Variants in RRAD observed in about 807,000 individuals in gnomAD.
The protein encoded by RRAD is GTP-binding protein RAD.
A neutral mutation model predicts 24.7 loss-of-function variants in RRAD; 15 were observed. The observed-to-expected ratio is 0.61, with a 90% CI of 0.41 to 0.93. The LOEUF is 0.93. RRAD is among the 40% of genes least tolerant of loss of function. RRAD has a pLI of 0.00. For missense variants in RRAD, 438 were observed against 452.2 expected (o/e 0.97, Z 0.29); for synonymous variants, 180 against 189.8 (o/e 0.95, Z 0.43).
In RRAD at chr16:66,924,961, G is replaced by C. The variant is rs1435077356; in HGVS notation, c.219C>G (p.Pro73=). ...TGTQGPRLDW[P]EDSEDSLSSG... ...AGCTGAGCGAGTCCTCGGAGTCCTC[G>C]GGCCAGTCCAGCCTGGGACCCTGGG... is the stretch of plus-strand genomic sequence containing the variant. Residue 73 remains proline (P), a synonymous_variant, in exon 2 of 5, where the codon CCC becomes CCG. Transcript: ENST00000299759. The surrounding 1 kb of genome is among the most constrained non-coding windows in gnomAD (Gnocchi z 4.2). 1 of 1,527,196 alleles carries C rather than the reference G, an allele frequency of 6.5e-7. No individual in the cohort carries two copies. Among genetic ancestry groups the C allele is most frequent in the Non-Finnish European group, 8.8e-7 (1 of 1,141,406 alleles). The allele number at this position is 1,527,196 out of a possible 1,614,324, so 94.6% of individuals were successfully genotyped here.
rs1962984753 is a variant in RRAD at position 66,925,350 on chromosome 16, C to T, written c.-16+59G>A. The T allele has an allele frequency of 5.2e-6, 3 of 574,952 alleles. No homozygotes were observed. The highest frequency in any genetic ancestry group is 5.0e-6 in the Non-Finnish European group (2 of 397,024). The allele number at this position is 574,952 out of a possible 1,614,324, so 35.6% of individuals were successfully genotyped here. A position where few individuals can be genotyped will look rare whatever the true frequency, so the allele number is the denominator to read the frequency against. ...GTCGCGGCGCCCTCACCCGGGACCC[C>T]TCCGGACCTGGCGCATCCATCTGCA... On this transcript the variant is annotated intron_variant, in intron 1 of 4. Transcript: ENST00000299759. The surrounding 1 kb of genome is among the most constrained non-coding windows in gnomAD (Gnocchi z 5.2).
chr16:66,923,987 C>T lies in RRAD; in HGVS notation c.371-68G>A, dbSNP rs1046090619. 3.2e-6 allele frequency: 4 copies of T among 1,251,200 alleles called. No homozygotes were observed. The South Asian group carries it at 3.6e-5, about 11-fold the overall frequency. 77.5% of individuals were successfully genotyped at this position (1,251,200 alleles called of 1,614,324 possible). ...AGCCGCTGCTGCCAGGTTTCCTGTT[C>T]TGGCCACACCCTCCAACTCTTCCCC... On this transcript the variant is annotated intron_variant, in intron 2 of 4. Transcript: ENST00000299759. This position sits in a 1 kb window ranked among gnomAD's most constrained non-coding sequence, Gnocchi z 4.9.
Position 66,922,045 on chromosome 16 carries a change from C to A in RRAD, c.*31G>T. On this transcript the variant is annotated 3_prime_UTR_variant, in exon 5 of 5. Coordinates refer to ENST00000299759, the MANE Select transcript of RRAD (RefSeq NM_004165.3). Reference sequence around the variant, plus strand: ...GGGCCAGCCCACCAACCCTTCCGTTCGTCTCCCACCATAGTGGGAGCGGGT... The same window carrying A: ...GGGCCAGCCCACCAACCCTTCCGTTAGTCTCCCACCATAGTGGGAGCGGGT... 3 of 1,579,054 alleles carry A rather than the reference C, an allele frequency of 1.9e-6. No homozygotes were observed. Among genetic ancestry groups the A allele is most frequent in the South Asian group, 1.1e-5 (1 of 88,282 alleles).
rs1165305444 is a variant in RRAD at position 66,922,013 on chromosome 16, G to C, written c.*63C>G. 8 of 1,503,046 alleles carry C rather than the reference G, an allele frequency of 5.3e-6. No homozygotes were observed. Among genetic ancestry groups the C allele is most frequent in the Non-Finnish European group, 7.3e-6 (8 of 1,103,250 alleles). 93.1% of individuals were successfully genotyped at this position (1,503,046 alleles called of 1,614,324 possible). ...AGCCTGCTCTGAGGCACCCGGGGCAGTTGGCTGGGCCAGCCCACCAACCCT... is the reference window on the plus strand; with the variant it reads ...AGCCTGCTCTGAGGCACCCGGGGCACTTGGCTGGGCCAGCCCACCAACCCT... On this transcript the variant is annotated 3_prime_UTR_variant, in exon 5 of 5. Transcript: ENST00000299759.
chr16:66,923,297 G>A lies in RRAD; in HGVS notation c.649+219C>T, dbSNP rs1175556950. 1.3e-5 allele frequency among the ~76,000 whole-genome samples: 2 copies of A among 152,130 alleles called. No individual in the cohort carries two copies. Among genetic ancestry groups the A allele is most frequent in the African/African-American group, 4.8e-5 (2 of 41,422 alleles). On this transcript the variant is annotated intron_variant, in intron 4 of 4. Coordinates refer to ENST00000299759, the MANE Select transcript of RRAD (RefSeq NM_004165.3). The surrounding 1 kb of genome is among the most constrained non-coding windows in gnomAD (Gnocchi z 4.9). ...GGGCAGGAGAGGAGGGCCCTGCGGT[G>A]CCCAGCTCCCCTATCAGATTTGGTT...
Position 66,924,748 on chromosome 16 carries a change from G to A in RRAD, c.370+62C>T. 1.5e-6 allele frequency: 2 copies of A among 1,305,826 alleles called. No individual in the cohort carries two copies. The highest frequency in any genetic ancestry group is 9.9e-7 in the Non-Finnish European group (1 of 1,010,412). The allele number at this position is 1,305,826 out of a possible 1,614,324, so 80.9% of individuals were successfully genotyped here. On this transcript the variant is annotated intron_variant, in intron 2 of 4. Coordinates refer to ENST00000299759, the MANE Select transcript of RRAD (RefSeq NM_004165.3). The surrounding 1 kb of genome is among the most constrained non-coding windows in gnomAD (Gnocchi z 4.2). ...CACGGTATTTGCGGCTTTGAGTACC[G>A]GTCTCAGCCCCTAGTCCTAGCCCCG...
chr16:66,925,134 C>T lies in RRAD; in HGVS notation c.46G>A (p.Gly16Arg). The T allele has an allele frequency of 8.2e-7, 1 of 1,226,660 alleles. No individual in the cohort carries two copies. Among genetic ancestry groups the T allele is most frequent in the Non-Finnish European group, 1.0e-6 (1 of 985,180 alleles). The allele number at this position is 1,226,660 out of a possible 1,614,324, so 76.0% of individuals were successfully genotyped here. ...GGSGAGGSRG[G>R]GQERERRRGS... ...CGACGGCGCTCGCGCTCCTGGCCCC[C>T]ACCGCGGCTCCCGCCCGCTCCGCTG... is the stretch of plus-strand genomic sequence containing the variant. Residue 16 changes from glycine to arginine, a missense_variant, in exon 2 of 5, where the codon GGG becomes AGG. Coordinates refer to ENST00000299759, the MANE Select transcript of RRAD (RefSeq NM_004165.3). The surrounding 1 kb of genome is among the most constrained non-coding windows in gnomAD (Gnocchi z 5.2).
chr16:66,924,975 T>G lies in RRAD; in HGVS notation c.205A>C (p.Arg69=), dbSNP rs1283758516. ...AAAGTGTQGP[R]LDWPEDSEDS... The stretch of plus-strand genomic sequence containing the variant: ...TCGGAGTCCTCGGGCCAGTCCAGCC[T>G]GGGACCCTGGGTCCCCGTCCCGGCC... The change falls in exon 2 of 5, where the codon AGG becomes CGG. Residue 69 remains arginine, a synonymous_variant. Transcript: ENST00000299759. This position sits in a 1 kb window ranked among gnomAD's most constrained non-coding sequence, Gnocchi z 4.2. 6.8e-7 allele frequency: 1 copy of G among 1,469,488 alleles called. No homozygotes were observed. Among genetic ancestry groups the G allele is most frequent in the African/African-American group, 1.4e-5 (1 of 69,444 alleles). 91.0% of individuals were successfully genotyped at this position (1,469,488 alleles called of 1,614,324 possible). A position where few individuals can be genotyped will look rare whatever the true frequency, so the allele number is the denominator to read the frequency against.
At position 66,922,125 on chromosome 16, in the gene RRAD, A is replaced by G. The variant is rs1962922843; in HGVS notation, c.878T>C (p.Met293Thr). Residue 293 changes from methionine (M) to threonine (T), a missense_variant, in exon 5 of 5, where the codon ATG (methionine) becomes ACG (threonine). Transcript: ENST00000299759. ...GGACTTGGATTTGGCGCGAAAGGCC[A>G]TCTTGCGGCTGTTACGAGCTACGAT... is the stretch of plus-strand genomic sequence containing the variant. ...GRIVARNSRK[M>T]AFRAKSKSCH... 6.2e-7 allele frequency: 1 copy of G among 1,612,642 alleles called. No homozygotes were observed. The highest frequency in any genetic ancestry group is 1.1e-5 in the South Asian group (1 of 91,076).
rs1962967743 is a variant in RRAD at position 66,924,706 on chromosome 16, A to G, written c.370+104T>C. On this transcript the variant is annotated intron_variant, in intron 2 of 4. Coordinates refer to ENST00000299759, the MANE Select transcript of RRAD (RefSeq NM_004165.3). The surrounding 1 kb of genome is among the most constrained non-coding windows in gnomAD (Gnocchi z 4.2). ...TAATAATAATAATAATAATAACAACAACAACAACTATAATTCCACGGTATT... is the reference window on the plus strand; with the variant it reads ...TAATAATAATAATAATAATAACAACGACAACAACTATAATTCCACGGTATT... 1.2e-6 allele frequency: 1 copy of G among 822,832 alleles called. No homozygotes were observed. The highest frequency in any genetic ancestry group is 1.6e-6 in the Non-Finnish European group (1 of 606,472). The allele number at this position is 822,832 out of a possible 1,614,324, so 51.0% of individuals were successfully genotyped here. A position where few individuals can be genotyped will look rare whatever the true frequency, so the allele number is the denominator to read the frequency against.
rs1183244081 is a variant in RRAD, at chr16:66,923,393, G to A, written c.649+123C>T. 15 of 806,956 alleles carry A rather than the reference G, an allele frequency of 1.9e-5. No individual in the cohort carries two copies. Among genetic ancestry groups the A allele is most frequent in the Admixed American group, 5.1e-5 (2 of 38,952 alleles). 50.0% of individuals were successfully genotyped at this position (806,956 alleles called of 1,614,324 possible). Reference sequence around the variant, plus strand: ...CCAGCTCTCTCCCATTTCCCTCCCCGCCAGTTTTCTTTCTGAACATTTTTA... The same window carrying A: ...CCAGCTCTCTCCCATTTCCCTCCCCACCAGTTTTCTTTCTGAACATTTTTA... On this transcript the variant is annotated intron_variant, in intron 4 of 4. Transcript: ENST00000299759. The surrounding 1 kb of genome is among the most constrained non-coding windows in gnomAD (Gnocchi z 4.9).
rs1162999042 is a variant in RRAD, at chr16:66,923,762, C to T, written c.445-42G>A. ...ACACATCTGCCCAACAGTCCTCATG[C>T]CCCCGACACGAGCCTGGCACTCCCA... is the stretch of plus-strand genomic sequence containing the variant. On this transcript the variant is annotated intron_variant, in intron 3 of 4. Transcript: ENST00000299759. The surrounding 1 kb of genome is among the most constrained non-coding windows in gnomAD (Gnocchi z 4.9). 6.2e-6 allele frequency: 10 copies of T among 1,611,304 alleles called. No homozygotes were observed. Among genetic ancestry groups the T allele is most frequent in the Non-Finnish European group, 8.5e-6 (10 of 1,177,610 alleles).
rs1004057965 is a variant in RRAD, at chr16:66,924,114, C to G, written c.371-195G>C. Among the ~76,000 whole-genome samples the G allele has an allele frequency of 6.6e-6, 1 of 152,128 alleles. No individual in the cohort carries two copies. Among genetic ancestry groups the G allele is most frequent in the Non-Finnish European group, 1.5e-5 (1 of 68,024 alleles). The stretch of plus-strand genomic sequence containing the variant: ...CTGGAGGGCATGGTGTGCCTGACCT[C>G]CACCCACATGCCCCCCCTGGGGACC... On this transcript the variant is annotated intron_variant, in intron 2 of 4. Coordinates refer to ENST00000299759, the MANE Select transcript of RRAD (RefSeq NM_004165.3). The surrounding 1 kb of genome is among the most constrained non-coding windows in gnomAD (Gnocchi z 4.2).
Position 66,921,732 on chromosome 16 carries a change from C to G in RRAD, c.*344G>C, listed in dbSNP as rs1962912798. 1 of 251,160 alleles carries G rather than the reference C, an allele frequency of 4.0e-6. No individual in the cohort carries two copies. Among genetic ancestry groups the G allele is most frequent in the Admixed American group, 5.5e-5 (1 of 18,296 alleles). The allele number at this position is 251,160 out of a possible 1,614,324, so 15.6% of individuals were successfully genotyped here. On this transcript the variant is annotated 3_prime_UTR_variant, in exon 5 of 5. Coordinates refer to ENST00000299759, the MANE Select transcript of RRAD (RefSeq NM_004165.3). ...CAAAAATCTGCATGTAAACAAATAG[C>G]TACCGCACTGAAGAGCCTCCCTCCA...
At chr16:66,922,742 GCACAATCTCTGCT>G (rs1315946812) in intron 4 of RRAD, among the ~76,000 whole-genome samples, 1 of 152,120 alleles carries the variant, frequency 6.6e-6, no homozygotes, top group East Asian at 1.9e-4. Context: ...GAGTGCAGTG[GCACAATCTCTGCT>G]CACTGAAAGC....
rs1394879406 is a variant in RRAD at position 66,924,022 on chromosome 16, C to T, written c.371-103G>A. 3.4e-6 allele frequency: 3 copies of T among 892,166 alleles called. No individual in the cohort carries two copies. Among genetic ancestry groups the T allele is most frequent in the South Asian group, 2.6e-5 (2 of 75,538 alleles). The allele number at this position is 892,166 out of a possible 1,614,324, so 55.3% of individuals were successfully genotyped here. On this transcript the variant is annotated intron_variant, in intron 2 of 4. Coordinates refer to ENST00000299759, the MANE Select transcript of RRAD (RefSeq NM_004165.3). The surrounding 1 kb of genome is among the most constrained non-coding windows in gnomAD (Gnocchi z 4.2). Reference sequence around the variant, plus strand: ...CCTCCAACTCTTCCCCAGAGCCCTCCTTACCCTCCACTCCACTTGCAGATG... The same window carrying T: ...CCTCCAACTCTTCCCCAGAGCCCTCTTTACCCTCCACTCCACTTGCAGATG...
Position 66,925,214 on chromosome 16 carries a change from A to C in RRAD, c.-15-20T>G. 1 of 1,241,888 alleles carries C rather than the reference A, an allele frequency of 8.1e-7. No individual in the cohort carries two copies. Among genetic ancestry groups the C allele is most frequent in the Non-Finnish European group, 1.0e-6 (1 of 992,796 alleles). The allele number at this position is 1,241,888 out of a possible 1,614,324, so 76.9% of individuals were successfully genotyped here. A position where few individuals can be genotyped will look rare whatever the true frequency, so the allele number is the denominator to read the frequency against. ...GACCGTCTAGGGGATCAGGAACCCG[A>C]GTGGCCGTGTAAGCCGCGAGGGAGG... On this transcript the variant is annotated intron_variant, in intron 1 of 4. Transcript: ENST00000299759. This position sits in a 1 kb window ranked among gnomAD's most constrained non-coding sequence, Gnocchi z 5.2.
At position 66,922,278 on chromosome 16, in the gene RRAD, G is replaced by C; in HGVS notation, c.725C>G (p.Ala242Gly). ...TSAALHHNVQALFEGVVRQIR... is the reference protein window; with the variant it reads ...TSAALHHNVQGLFEGVVRQIR... The stretch of plus-strand genomic sequence containing the variant: ...CTGGCGCACGACACCTTCAAACAGC[G>C]CCTGGACATTGTGGTGCAATGCCGC... Residue 242 changes from alanine to glycine, a missense_variant, in exon 5 of 5, where the codon GCG becomes GGG. Ala to Gly is a moderately conservative substitution (Grantham distance 60). Coordinates refer to ENST00000299759, the MANE Select transcript of RRAD (RefSeq NM_004165.3). 6.2e-7 allele frequency: 1 copy of C among 1,613,488 alleles called. No individual in the cohort carries two copies. The highest frequency in any genetic ancestry group is 1.3e-5 in the African/African-American group (1 of 75,046).
rs776697629 is a variant in RRAD, at chr16:66,922,197, CGG to C, written c.804_805del (p.Arg269GlufsTer20). ...CTTTTTGCCAAGGCTCTCTCGCCTC[CGG>C]GTGCCTGCTTGCCGTCGTGCGTTGG... On this transcript the variant is annotated frameshift_variant, in exon 5 of 5. Coordinates refer to ENST00000299759, the MANE Select transcript of RRAD (RefSeq NM_004165.3). LOFTEE classifies it high-confidence loss of function. 3.7e-6 allele frequency: 6 copies of C among 1,614,118 alleles called. No homozygotes were observed. Among genetic ancestry groups the C allele is most frequent in the Non-Finnish European group, 8.5e-7 (1 of 1,180,038 alleles).
Sources: allele counts gnomAD v4.1 joint callset (sites outside exome capture counted in the v4.1 genomes callset), GRCh38; gene constraint gnomAD v4.1.1; non-coding constraint Gnocchi (gnomAD v3.1); transcripts MANE v1.5; gene names NCBI Gene and HGNC (gene_info 2026-07-23, HGNC 2026-07-21).